Variants in RPS6KA5 observed in about 807,000 individuals in gnomAD.
RPS6KA5 encodes the protein ribosomal protein S6 kinase A5, also known as ribosomal protein S6 kinase alpha-5.
In RPS6KA5, 27 loss-of-function variants were observed where a neutral mutation model predicts 85.5. The observed-to-expected ratio is 0.32, with a 90% CI of 0.23 to 0.44. The LOEUF (loss-of-function observed/expected upper bound fraction) is 0.44. Among genes scored for constraint, RPS6KA5 ranks in the 20% least tolerant of loss-of-function variants. The pLI, the probability that RPS6KA5 is intolerant of heterozygous loss-of-function variation, is 1.00. For missense variants in RPS6KA5, 811 were observed against 980.9 expected, an observed-to-expected ratio of 0.83 and a Z score of 2.31; for synonymous variants, 334 against 348.2, an observed-to-expected ratio of 0.96 and a Z score of 0.46.
rs1429502458 is a variant in RPS6KA5, at chr14:90,858,847, A to C, written c.*13227T>G. Reference sequence around the variant, plus strand: ...GTAATCCCACTTGGTTGAAGAGACAAAAGTTGGAGCTTGGGAAAGTAGCTA... The same window carrying C: ...GTAATCCCACTTGGTTGAAGAGACACAAGTTGGAGCTTGGGAAAGTAGCTA... On this transcript the variant is annotated 3_prime_UTR_variant, in exon 17 of 17. Transcript: ENST00000614987. The C allele has an allele frequency of 6.6e-6, 1 of 152,222 alleles. No individual in the cohort carries two copies. The highest frequency in any genetic ancestry group is 1.5e-5 in the Non-Finnish European group (1 of 68,050). The allele number at this position is 152,222 out of a possible 1,614,324, so 9.4% of individuals were successfully genotyped here.
rs1731552651 is a variant in RPS6KA5 at position 90,978,357 on chromosome 14, C to A, written c.343G>T (p.Val115Leu). Residue 115 changes from valine (V) to leucine (L), a missense_variant, in exon 3 of 17, where the codon GTA (valine) becomes TTA (leucine). Coordinates refer to ENST00000614987, the MANE Select transcript of RPS6KA5 (RefSeq NM_004755.4). ...LEHIRQSPFL[V>L]TLHYAFQTET... ...GTCTGGAAAGCATAATGTAATGTTA[C>A]CAAAAATGGCGACTGCCTAATGTGT... 1.9e-6 allele frequency: 3 copies of A among 1,613,050 alleles called. No homozygotes were observed. The South Asian group carries it at 3.3e-5, about 18-fold the overall frequency.
intron 1 of RPS6KA5, among the ~76,000 whole-genome samples, chr14:91,044,375 AGG>A (rs1491141755): frequency 3.1e-4 from 4 of 12,838 alleles, no homozygotes; most frequent in South Asian, 3.4e-3. Flanking sequence ...GAAAGAAAGA[AGG>A]AAAGAAAGAA....
chr14:90,956,091 A>G (rs2038491372), intron 3 of RPS6KA5, among the ~76,000 whole-genome samples: 2 of 152,252 alleles, frequency 1.3e-5, no homozygotes, highest in Admixed American at 1.3e-4. Flanking sequence ...TACAGAGATG[A>G]CAAAGTATAC....
In RPS6KA5 at chr14:90,859,627, A is replaced by C. The variant is rs1005619301; in HGVS notation, c.*12447T>G. 6.6e-6 allele frequency: 1 copy of C among 152,238 alleles called. No homozygotes were observed. The highest frequency in any genetic ancestry group is 2.4e-5 in the African/African-American group (1 of 41,460). The allele number at this position is 152,238 out of a possible 1,614,324, so 9.4% of individuals were successfully genotyped here. A position where few individuals can be genotyped will look rare whatever the true frequency, so the allele number is the denominator to read the frequency against. The stretch of plus-strand genomic sequence containing the variant: ...AGGTCAGTAAAAACTATACAGATTG[A>C]AGTACAGGGAGAAATTAAGATGGCA... On this transcript the variant is annotated 3_prime_UTR_variant, in exon 17 of 17. Transcript: ENST00000614987.
chr14:90,942,781 A>C (rs2037643202), intron 5 of RPS6KA5, among the ~76,000 whole-genome samples: 1 of 152,174 alleles, frequency 6.6e-6, no homozygotes, highest in African/African-American at 2.4e-5. Flanking sequence ...GGGCCAAAAG[A>C]GTTATTTGAT....
At chr14:90,890,356 A>T (rs879493651) in intron 14 of RPS6KA5, 131 bp downstream of exon 14, 4 of 585,366 alleles carry the variant, frequency 6.8e-6, no homozygotes, top group Non-Finnish European at 1.1e-5. Flanking sequence ...TCAGGCCTCT[A>T]ACTGGCTGTA....
chr14:91,044,948 A>G (rs1035032325), intron 1 of RPS6KA5, among the ~76,000 whole-genome samples: 1 of 152,160 alleles, frequency 6.6e-6, no homozygotes, highest in African/African-American at 2.4e-5. Context: ...GCCAGCAAGG[A>G]AACTGGAACC....
At chr14:91,006,420 G>A (rs965283126) in intron 1 of RPS6KA5, among the ~76,000 whole-genome samples, 15 of 152,160 alleles carry the variant, frequency 9.9e-5, no homozygotes, top group African/African-American at 2.9e-4. Context: ...TTTAGAGATG[G>A]GGCCTTTGGG....
At chr14:90,878,835 C>T (rs1281730430) in intron 14 of RPS6KA5, among the ~76,000 whole-genome samples, 3 of 152,192 alleles carry the variant, frequency 2.0e-5, no homozygotes, top group Non-Finnish European at 4.4e-5. Flanking sequence ...TCAAGTGACT[C>T]GGAAGGCTAC....
chr14:90,873,614 C>CA lies in RPS6KA5; in HGVS notation c.2160+17dup. The CA allele has an allele frequency of 1.2e-6, 2 of 1,602,818 alleles. No individual in the cohort carries two copies. Among genetic ancestry groups the CA allele is most frequent in the Non-Finnish European group, 1.7e-6 (2 of 1,173,010 alleles). On this transcript the variant is annotated intron_variant, in intron 16 of 16. Coordinates refer to ENST00000614987, the MANE Select transcript of RPS6KA5 (RefSeq NM_004755.4). ...TCCTACTCAAACCGCCCAACATGTA[C>CA]AGAGCACAGGGCCTTACGTGGAAGG...
chr14:91,011,121 T>C (rs72697549), intron 1 of RPS6KA5, among the ~76,000 whole-genome samples: 230 of 152,224 alleles, frequency 1.5e-3, no homozygotes, highest in Non-Finnish European at 2.8e-3. Flanking sequence ...TCAGAAGAAC[T>C]TGAACTTTCC....
At chr14:90,992,228 A>G (rs2140533206) in intron 2 of RPS6KA5, among the ~76,000 whole-genome samples, 1 of 152,338 alleles carries the variant, frequency 6.6e-6, no homozygotes, top group Non-Finnish European at 1.5e-5. Context: ...GTGATTTTTT[A>G]AAGGCAGATA....
intron 1 of RPS6KA5, among the ~76,000 whole-genome samples, chr14:91,035,523 T>TA (rs1193039232): frequency 1.3e-5 from 2 of 152,090 alleles, no homozygotes; most frequent in Non-Finnish European, 2.9e-5. Context: ...GTGTGATGGT[T>TA]AGCCTTGGAG....
chr14:90,987,058 T>A (rs1380792771), intron 2 of RPS6KA5, among the ~76,000 whole-genome samples: 1 of 152,224 alleles, frequency 6.6e-6, no homozygotes, highest in Non-Finnish European at 1.5e-5. Context: ...CACCTTCATA[T>A]GGAATCATCT....
chr14:91,056,867 CTTTTT>C (rs34807092), intron 1 of RPS6KA5, among the ~76,000 whole-genome samples: 47 of 38,874 alleles, frequency 1.2e-3, no homozygotes, highest in Admixed American at 5.2e-3. Context: ...GCAGTATTAT[CTTTTT>C]TTTTTTTTTT....
At chr14:90,970,285 T>G (rs1371699993) in intron 3 of RPS6KA5, among the ~76,000 whole-genome samples, 1 of 152,242 alleles carries the variant, frequency 6.6e-6, no homozygotes, top group Non-Finnish European at 1.5e-5. Flanking sequence ...ACTGTCTGTT[T>G]CGTCATACTA....
Position 91,055,921 on chromosome 14 carries a change from T to A in RPS6KA5, c.103+4411A>T, listed in dbSNP as rs576721134. On this transcript the variant is annotated intron_variant, in intron 1 of 16. Transcript: ENST00000614987. ...CCACATGGCAAGGAACCTGCCAACA[T>A]GTGAGTAAGCCATCTCGGAAGGGGA... Among the ~76,000 whole-genome samples the A allele has an allele frequency of 9.8e-5, 15 of 152,314 alleles. 1 individual carries two copies. Among genetic ancestry groups the A allele is most frequent in the Admixed American group, 2.6e-4 (4 of 15,302 alleles).
intron 1 of RPS6KA5, among the ~76,000 whole-genome samples, chr14:91,010,830 G>A (rs1437397111): frequency 1.3e-5 from 2 of 152,136 alleles, no homozygotes; most frequent in Non-Finnish European, 2.9e-5. Context: ...TCCTAAGGGA[G>A]CAGGTTCTTC....
intron 1 of RPS6KA5, among the ~76,000 whole-genome samples, chr14:91,040,352 G>A (rs907287897): frequency 6.6e-6 from 1 of 152,208 alleles, no homozygotes; most frequent in Admixed American, 6.5e-5. Flanking sequence ...AGGTTCCAGT[G>A]AGCCGAGATC....
Sources: gnomAD v4.1 joint callset for allele counts (sites outside exome capture counted in the v4.1 genomes callset) on GRCh38, gnomAD v4.1.1 for gene constraint, MANE v1.5 for transcripts, NCBI Gene and HGNC (gene_info 2026-07-23, HGNC 2026-07-21) for gene names.